Variants in LTBP1 observed in about 807,000 individuals in gnomAD.
LTBP1 encodes the protein latent-transforming growth factor beta-binding protein 1.
In LTBP1, 129 loss-of-function variants were observed where a neutral mutation model predicts 207.6. The observed-to-expected ratio is 0.62, with a 90% CI of 0.54 to 0.72. The LOEUF (loss-of-function observed/expected upper bound fraction) is 0.72, where lower values mean the gene tolerates loss of function less well. Ranked by LOEUF, LTBP1 falls within the 30% of genes least tolerant of loss-of-function variation. The pLI, the probability that LTBP1 is intolerant of heterozygous loss-of-function variation, is 0.00. For synonymous variants in LTBP1, 963 were observed against 833.7 expected (o/e 1.16, Z -2.67); for missense variants, 2,281 against 2,217.2 (o/e 1.03, Z -0.58).
At chr2:33,369,755 A>G (rs2095045322) in intron 31 of LTBP1, among the ~76,000 whole-genome samples, 1 of 152,214 alleles carries the variant, frequency 6.6e-6, no homozygotes, top group Non-Finnish European at 1.5e-5. Flanking sequence ...TTATACTACC[A>G]AAATTACGGA....
At chr2:33,157,386 C>T (rs763661293) in intron 5 of LTBP1, among the ~76,000 whole-genome samples, 3 of 152,170 alleles carry the variant, frequency 2.0e-5, no homozygotes, top group Non-Finnish European at 2.9e-5. Context: ...AAGGATCCTG[C>T]GTGCAGGAGG....
At chr2:33,343,591 G>A (rs1417965949) in intron 25 of LTBP1, among the ~76,000 whole-genome samples, 1 of 152,154 alleles carries the variant, frequency 6.6e-6, no homozygotes, top group Non-Finnish European at 1.5e-5. Context: ...GGTATAGATT[G>A]TCTGTCTTTG....
intron 3 of LTBP1, among the ~76,000 whole-genome samples, chr2:33,063,853 C>CT (rs58115868): frequency 0.63 from 93,416 of 147,542 alleles, 30,832 homozygotes; most frequent in East Asian, 0.99. Context: ...ATTGTATATT[C>CT]TTTTTTTTTT....
chr2:32,956,690 C>T (rs1225426112), intron 2 of LTBP1, among the ~76,000 whole-genome samples: 1 of 152,198 alleles, frequency 6.6e-6, no homozygotes, highest in Non-Finnish European at 1.5e-5. Context: ...CATGAATGTT[C>T]TTAATGGCAT....
At chr2:33,315,827 C>T (rs1167035049) in intron 24 of LTBP1, among the ~76,000 whole-genome samples, 1 of 152,094 alleles carries the variant, frequency 6.6e-6, no homozygotes, top group Non-Finnish European at 1.5e-5. Context: ...ATCCCAGCTA[C>T]TTGGGAGGCT....
At chr2:32,953,125 TTTTG>T (rs1255909365) in intron 2 of LTBP1, among the ~76,000 whole-genome samples, 1 of 152,214 alleles carries the variant, frequency 6.6e-6, no homozygotes, top group Non-Finnish European at 1.5e-5. Flanking sequence ...CCCATGCTAC[TTTTG>T]GGGAAAAAAC....
chr2:33,186,388 T>C (rs933918767), intron 5 of LTBP1, among the ~76,000 whole-genome samples: 2 of 152,190 alleles, frequency 1.3e-5, no homozygotes, highest in African/African-American at 4.8e-5. Context: ...TAATCTCCAT[T>C]GTATGCCAGA....
intron 32 of LTBP1, among the ~76,000 whole-genome samples, chr2:33,391,957 TC>T (rs1252800816): frequency 6.6e-6 from 1 of 152,138 alleles, no homozygotes; most frequent in African/African-American, 2.4e-5. Flanking sequence ...GAGAAATATT[TC>T]CCCCTTCCCA....
At chr2:33,032,852 A>G (rs1188036864) in intron 3 of LTBP1, among the ~76,000 whole-genome samples, 2 of 152,196 alleles carry the variant, frequency 1.3e-5, no homozygotes, top group Non-Finnish European at 2.9e-5. Flanking sequence ...ATTGCCTTTC[A>G]CAGAATCAGA....
rs149091174 is a variant in LTBP1 at position 33,301,646 on chromosome 2, T to G, written c.3481+2T>G. On this transcript the variant is annotated splice_donor_variant, in intron 22 of 33. Coordinates refer to ENST00000404816, the MANE Select transcript of LTBP1 (RefSeq NM_206943.4). LOFTEE classifies it high-confidence loss of function. Reference sequence around the variant, plus strand: ...CTGGGCTTGGAGACCACTGTGAAGGTAAGAATTGCTCCTGATTTCAGAATC... The same window carrying G: ...CTGGGCTTGGAGACCACTGTGAAGGGAAGAATTGCTCCTGATTTCAGAATC... The G allele has an allele frequency of 5.1e-5, 81 of 1,585,866 alleles. No homozygotes were observed. The highest frequency in any genetic ancestry group is 6.8e-5 in the Non-Finnish European group (80 of 1,169,744).
chr2:33,303,083 G>A (rs1052060941), intron 22 of LTBP1, among the ~76,000 whole-genome samples: 2 of 151,976 alleles, frequency 1.3e-5, no homozygotes, highest in African/African-American at 4.8e-5. Context: ...TGTGTTTTAG[G>A]AACTCTCTAA....
chr2:33,226,096 A>G (rs1322524419), intron 9 of LTBP1, among the ~76,000 whole-genome samples: 3 of 152,234 alleles, frequency 2.0e-5, no homozygotes, highest in Non-Finnish European at 4.4e-5. Flanking sequence ...ATTATTTAGA[A>G]ATATATTGCT....
intron 5 of LTBP1, among the ~76,000 whole-genome samples, chr2:33,174,001 T>C (rs9679693): frequency 8.6e-6 from 1 of 116,948 alleles, no homozygotes; most frequent in South Asian, 2.6e-4. Flanking sequence ...TGATGGGACG[T>C]ATCTCAAAAT....
At chr2:33,036,124 T>C (rs1380931901) in intron 3 of LTBP1, among the ~76,000 whole-genome samples, 2 of 152,234 alleles carry the variant, frequency 1.3e-5, no homozygotes, top group Non-Finnish European at 2.9e-5. Context: ...CATTCTTCTG[T>C]AACAGTGGCT....
At chr2:33,203,062 T>C (rs1401481457) in intron 7 of LTBP1, among the ~76,000 whole-genome samples, 1 of 101,726 alleles carries the variant, frequency 9.8e-6, no homozygotes, top group Non-Finnish European at 2.1e-5. Context: ...TTTAATTGAG[T>C]GTTACTGAGT....
intron 22 of LTBP1, among the ~76,000 whole-genome samples, chr2:33,306,186 T>G (rs2094089342): frequency 6.6e-6 from 1 of 152,224 alleles, no homozygotes; most frequent in South Asian, 2.1e-4. Context: ...ATATAATTAT[T>G]TATAAACACT....
intron 12 of LTBP1, among the ~76,000 whole-genome samples, chr2:33,259,023 T>C (rs866300083): frequency 6.6e-6 from 1 of 152,236 alleles, no homozygotes; most frequent in African/African-American, 2.4e-5. Flanking sequence ...AATTGGCTCT[T>C]CCTGGCTTGT....
chr2:33,051,905 T>C (rs2076765706), intron 3 of LTBP1, among the ~76,000 whole-genome samples: 2 of 152,232 alleles, frequency 1.3e-5, no homozygotes, highest in Admixed American at 1.3e-4. Flanking sequence ...TCATTTCCTT[T>C]TTAAATGAAT....
chr2:33,143,099 C>T (rs1039666317), intron 5 of LTBP1, among the ~76,000 whole-genome samples: 4 of 152,134 alleles, frequency 2.6e-5, no homozygotes, highest in South Asian at 2.1e-4. Flanking sequence ...CCAAGTGCTC[C>T]GGGGTGTCTT....
Sources: gnomAD v4.1 joint callset for allele counts (sites outside exome capture counted in the v4.1 genomes callset) on GRCh38, gnomAD v4.1.1 for gene constraint, MANE v1.5 for transcripts, NCBI Gene and HGNC (gene_info 2026-07-23, HGNC 2026-07-21) for gene names.